The following ADNP2 variants were observed in gnomAD, a reference collection of about 807,000 sequenced individuals.
ADNP2 encodes activity-dependent neuroprotector homeobox protein 2.
A neutral mutation model predicts 16.4 loss-of-function variants in ADNP2; 8 were observed. The ratio of observed to expected loss-of-function variants is 0.49; its 90% confidence interval spans 0.29 to 0.88. The LOEUF (loss-of-function observed/expected upper bound fraction) is 0.88, where lower values mean the gene tolerates loss of function less well. ADNP2 is among the 40% of genes least tolerant of loss of function. The pLI is 0.09. For synonymous variants in ADNP2, 637 were observed against 545.8 expected, an observed-to-expected ratio of 1.17 and a Z score of -2.33; for missense variants, 1,397 against 1,395.1, an observed-to-expected ratio of 1.00 and a Z score of -0.02.
chr18:80,113,944 A>G (rs2052373246), intron 1 of ADNP2, among the ~76,000 whole-genome samples: 1 of 152,192 alleles, frequency 6.6e-6, no homozygotes, highest in African/African-American at 2.4e-5. Context: ...TAATCCCCGT[A>G]CTTTGAGAGG....
chr18:80,135,379 A>G (rs189076939), intron 3 of ADNP2, among the ~76,000 whole-genome samples: 133 of 152,366 alleles, frequency 8.7e-4, no homozygotes, highest in Middle Eastern at 3.4e-3. Context: ...TTGTACAACA[A>G]TGGCAGTGCT....
At chr18:80,117,497 A>G (rs2052396832) in intron 1 of ADNP2, 33 bp from the exon 2 acceptor site, 1 of 1,378,098 alleles carries the variant, frequency 7.3e-7, no homozygotes, top group Non-Finnish European at 1.0e-6. Flanking sequence ...ATATACATGT[A>G]CTTATTACAG....
In ADNP2 at chr18:80,138,180, A is replaced by G. The variant is rs2052555637; in HGVS notation, c.2767A>G (p.Thr923Ala). ...FKCIHCCGVY[T>A]GNMTLAAIAV... ...GTGCATCCACTGCTGTGGGGTCTAC[A>G]CGGGAAATATGACCCTGGCTGCCAT... Residue 923 changes from threonine (T) to alanine (A), a missense_variant, in exon 4 of 4, where the codon ACG becomes GCG. Physicochemically the swap from Thr to Ala is moderately conservative, Grantham distance 58. Around this residue, in one of 3 missense-constraint regions of ADNP2, gnomAD observed 611 missense variants for 648.7 expected, o/e 0.94. Coordinates refer to ENST00000262198, the MANE Select transcript of ADNP2 (RefSeq NM_014913.4). 1 of 1,614,038 alleles carries G rather than the reference A, an allele frequency of 6.2e-7. No individual in the cohort carries two copies. Among genetic ancestry groups the G allele is most frequent in the African/African-American group, 1.3e-5 (1 of 74,944 alleles).
chr18:80,120,334 C>CT (rs71163859), intron 2 of ADNP2, among the ~76,000 whole-genome samples: 55,083 of 142,892 alleles, frequency 0.39, 11,901 homozygotes, highest in African/African-American at 0.56. Context: ...ATATTCTTTT[C>CT]TTTTTTTTTT....
intron 1 of ADNP2, 39 bp from the exon 2 acceptor site, chr18:80,117,491 A>T: frequency 7.7e-7 from 1 of 1,300,956 alleles, no homozygotes; most frequent in Non-Finnish European, 1.1e-6. Flanking sequence ...TGTATTATAT[A>T]CATGTACTTA....
chr18:80,132,212 C>G (rs1405766626), intron 2 of ADNP2, among the ~76,000 whole-genome samples: 1 of 152,270 alleles, frequency 6.6e-6, no homozygotes, highest in African/African-American at 2.4e-5. Context: ...AAGGGTACTC[C>G]ATCAAAACTT....
rs143737589 is a variant in ADNP2 at position 80,137,054 on chromosome 18, G to T, written c.1641G>T (p.Gln547His). The change falls in exon 4 of 4, where the codon CAG (glutamine) becomes CAT (histidine). Residue 547 changes from glutamine (Q) to histidine (H), a missense_variant. Physicochemically the swap from Gln to His is conservative, Grantham distance 24. Coordinates refer to ENST00000262198, the MANE Select transcript of ADNP2 (RefSeq NM_014913.4). The surrounding 1 kb of genome is among the most constrained non-coding windows in gnomAD (Gnocchi z 4.2). ...ATTCTGGTGTTCTGCAGCTTAGTCA[G>T]CCTGTTGTGTCGGGAGTTCTTCCTG... is the stretch of plus-strand genomic sequence containing the variant. ...GVNSGVLQLS[Q>H]PVVSGVLPVG... is the part of the protein sequence containing the mutation. 8.1e-6 allele frequency: 13 copies of T among 1,614,030 alleles called. No homozygotes were observed. The highest frequency in any genetic ancestry group is 2.2e-5 in the South Asian group (2 of 91,090).
intron 1 of ADNP2, among the ~76,000 whole-genome samples, chr18:80,116,156 C>G (rs538298519): frequency 9.2e-5 from 14 of 152,304 alleles, no homozygotes; most frequent in African/African-American, 3.1e-4. Context: ...GCTTCTTTTA[C>G]TTAGCATATT....
Position 80,138,404 on chromosome 18 carries a change from T to G in ADNP2, c.2991T>G (p.Pro997=). 6.2e-7 allele frequency: 1 copy of G among 1,613,962 alleles called. No individual in the cohort carries two copies. The highest frequency in any genetic ancestry group is 8.5e-7 in the Non-Finnish European group (1 of 1,179,992). The change falls in exon 4 of 4, where the codon CCT becomes CCG. Residue 997 remains proline, a synonymous_variant. Coordinates refer to ENST00000262198, the MANE Select transcript of ADNP2 (RefSeq NM_014913.4). The part of the protein sequence containing the change: ...AEDQRHGEEQ[P]PILNADAAPG... ...ACCAGCGGCATGGGGAGGAGCAGCC[T>G]CCCATCCTAAATGCCGATGCAGCCC...
intron 1 of ADNP2, among the ~76,000 whole-genome samples, chr18:80,116,734 C>T (rs559173230): frequency 3.3e-5 from 5 of 152,142 alleles, no homozygotes; most frequent in South Asian, 4.1e-4. Flanking sequence ...CTCCTGGGCT[C>T]GGGTGATCCC....
intron 3 of ADNP2, among the ~76,000 whole-genome samples, chr18:80,133,401 A>T (rs2052511151): frequency 6.6e-6 from 1 of 152,228 alleles, no homozygotes; most frequent in Non-Finnish European, 1.5e-5. Flanking sequence ...CAGAGTTGAT[A>T]CAGTGATGCA....
chr18:80,127,659 T>C (rs1568411943), intron 2 of ADNP2, among the ~76,000 whole-genome samples: 1 of 152,198 alleles, frequency 6.6e-6, no homozygotes, highest in Non-Finnish European at 1.5e-5. Flanking sequence ...ACATTGTGTT[T>C]ATGGGTGCTA....
chr18:80,114,967 T>C (rs1459755533), intron 1 of ADNP2, among the ~76,000 whole-genome samples: 1 of 152,178 alleles, frequency 6.6e-6, no homozygotes, highest in East Asian at 1.9e-4. Context: ...GAGAGAGGTA[T>C]GTGGCATTTT....
intron 2 of ADNP2, among the ~76,000 whole-genome samples, chr18:80,130,716 G>C (rs2052490288): frequency 6.6e-6 from 1 of 151,696 alleles, no homozygotes; most frequent in Admixed American, 6.6e-5. Flanking sequence ...TTCCCTCCCT[G>C]TCATGTTAGC....
chr18:80,129,095 C>CTT (rs1424348931), intron 2 of ADNP2, among the ~76,000 whole-genome samples: 95 of 132,162 alleles, frequency 7.2e-4, no homozygotes, highest in Middle Eastern at 4.4e-3. Flanking sequence ...TTACCCAGAA[C>CTT]TTTTTTTTTG....
At chr18:80,110,772 G>A (rs547906315) in intron 1 of ADNP2, among the ~76,000 whole-genome samples, 1 of 152,284 alleles carries the variant, frequency 6.6e-6, no homozygotes, top group East Asian at 1.9e-4. Flanking sequence ...TGAGCCCGTC[G>A]TCCTTAAACA....
At chr18:80,131,623 G>T (rs113438620) in intron 2 of ADNP2, among the ~76,000 whole-genome samples, 38,398 of 148,270 alleles carry the variant, frequency 0.26, 6,379 homozygotes, top group Non-Finnish European at 0.38. Context: ...TGTGCACAAC[G>T]TGCAGGTTTG....
chr18:80,132,634 CTCTTTTTT>C (rs980602096), intron 2 of ADNP2, among the ~76,000 whole-genome samples: 16 of 150,510 alleles, frequency 1.1e-4, no homozygotes, highest in African/African-American at 3.9e-4. Flanking sequence ...TTCTCTTTCT[CTCTTTTTT>C]TCTCTCTCTC....
At chr18:80,115,964 C>A (rs540944875) in intron 1 of ADNP2, among the ~76,000 whole-genome samples, 1 of 152,138 alleles carries the variant, frequency 6.6e-6, no homozygotes, top group Non-Finnish European at 1.5e-5. Flanking sequence ...GGGGCTTCAC[C>A]ATATTGGCCA....
Sources: gnomAD v4.1 joint callset for allele counts (sites outside exome capture counted in the v4.1 genomes callset) on GRCh38, gnomAD v4.1.1 for gene constraint, gnomAD v4.1.1 regional missense constraint, Gnocchi (gnomAD v3.1) non-coding constraint, MANE v1.5 for transcripts, NCBI Gene and HGNC (gene_info 2026-07-23, HGNC 2026-07-21) for gene names.